SYT16: variants seen among roughly 807,000 people sequenced by gnomAD.
SYT16 encodes synaptotagmin 16.
Under a neutral mutation model 61.4 loss-of-function variants are expected in SYT16, and 42 were observed. The ratio of observed to expected loss-of-function variants is 0.68; its 90% confidence interval spans 0.53 to 0.89. The LOEUF is 0.89. SYT16 is among the 40% of genes least tolerant of loss of function. SYT16 has a pLI of 0.00. For synonymous variants in SYT16, 314 were observed against 302.3 expected (o/e 1.04, Z -0.40); for missense variants, 804 against 807.3 (o/e 1.00, Z 0.05).
intron 2 of SYT16, among the ~76,000 whole-genome samples, chr14:61,992,205 T>G (rs1331861395): frequency 6.6e-6 from 1 of 152,096 alleles, no homozygotes; most frequent in East Asian, 1.9e-4. Context: ...CAATAAACAT[T>G]TCCTCATAAA....
chr14:62,093,160 A>G (rs891172154), intron 7 of SYT16, among the ~76,000 whole-genome samples: 3 of 152,126 alleles, frequency 2.0e-5, no homozygotes, highest in Non-Finnish European at 2.9e-5. Context: ...AAAAATTAAG[A>G]GATTTAAAAA....
chr14:61,909,764 G>A (rs766211453), intron 1 of SYT16, among the ~76,000 whole-genome samples: 1 of 152,218 alleles, frequency 6.6e-6, no homozygotes, highest in Non-Finnish European at 1.5e-5. Flanking sequence ...AATATAGCTT[G>A]TAATGGCCCG....
intron 3 of SYT16, among the ~76,000 whole-genome samples, chr14:62,004,768 G>A (rs146780918): frequency 4.6e-5 from 7 of 152,286 alleles, no homozygotes; most frequent in Middle Eastern, 3.4e-3. Context: ...TCCCCTCTTG[G>A]CATCTTTGAC....
intron 1 of SYT16, among the ~76,000 whole-genome samples, chr14:61,964,941 A>C (rs1425613840): frequency 6.6e-6 from 1 of 151,826 alleles, no homozygotes; most frequent in African/African-American, 2.4e-5. Flanking sequence ...TAAGGTATGC[A>C]CATGGTTTTT....
chr14:61,854,508 G>C (rs2046717303), intron 1 of SYT16, among the ~76,000 whole-genome samples: 1 of 152,154 alleles, frequency 6.6e-6, no homozygotes, highest in African/African-American at 2.4e-5. Context: ...AATAGTAAGT[G>C]GATTGGCTTT....
intron 1 of SYT16, among the ~76,000 whole-genome samples, chr14:61,844,146 T>C (rs2046374923): frequency 6.6e-6 from 1 of 152,186 alleles, no homozygotes; most frequent in African/African-American, 2.4e-5. Flanking sequence ...TTTAATTTTA[T>C]GTGTGGCTAT....
intron 3 of SYT16, among the ~76,000 whole-genome samples, chr14:62,061,300 G>T (rs749746702): frequency 6.6e-6 from 1 of 152,058 alleles, no homozygotes; most frequent in Admixed American, 6.6e-5. Context: ...AAGCAAACAG[G>T]TTATTAACAC....
At chr14:61,873,767 C>T (rs937960276) in intron 1 of SYT16, among the ~76,000 whole-genome samples, 1 of 152,138 alleles carries the variant, frequency 6.6e-6, no homozygotes, top group African/African-American at 2.4e-5. Context: ...ATATAAAAAA[C>T]AGAACTACAT....
chr14:61,918,559 A>G (rs2197015), intron 1 of SYT16, among the ~76,000 whole-genome samples: 30,042 of 152,154 alleles, frequency 0.2, 3,799 homozygotes, highest in East Asian at 0.36. Flanking sequence ...TATATTTTAA[A>G]TGTTTATATT....
chr14:62,009,420 C>G (rs2053354708), intron 3 of SYT16, among the ~76,000 whole-genome samples: 1 of 152,140 alleles, frequency 6.6e-6, no homozygotes, highest in South Asian at 2.1e-4. Flanking sequence ...AGTAATAATA[C>G]AGTCAGGAGT....
chr14:61,941,787 G>C (rs1010578443), intron 1 of SYT16, among the ~76,000 whole-genome samples: 5 of 152,110 alleles, frequency 3.3e-5, no homozygotes, highest in African/African-American at 4.8e-5. Context: ...CCCACTACAA[G>C]TTCTCAATGA....
chr14:62,048,968 G>T (rs1595265237), intron 3 of SYT16, among the ~76,000 whole-genome samples: 1 of 152,172 alleles, frequency 6.6e-6, no homozygotes, highest in Admixed American at 6.5e-5. Flanking sequence ...CTGGGGTGGA[G>T]GGTTCTGTAG....
chr14:61,884,019 G>A (rs2047799237), intron 1 of SYT16, among the ~76,000 whole-genome samples: 1 of 152,136 alleles, frequency 6.6e-6, no homozygotes, highest in Non-Finnish European at 1.5e-5. Context: ...CTTGACATGT[G>A]GGGATTATGG....
intron 1 of SYT16, chr14:61,864,869 C>T (rs1011455196): frequency 8.5e-7 from 1 of 1,180,148 alleles, no homozygotes; most frequent in East Asian, 2.3e-5. Context: ...CCAGCCACCC[C>T]CGGCGGAGAC....
intron 2 of SYT16, among the ~76,000 whole-genome samples, chr14:61,990,870 C>T (rs967735354): frequency 2.0e-5 from 3 of 152,188 alleles, no homozygotes; most frequent in African/African-American, 7.2e-5. Context: ...TTTGATAAAA[C>T]ATATGGCTCA....
At chr14:61,982,812 T>C (rs1192248328) in intron 2 of SYT16, among the ~76,000 whole-genome samples, 1 of 152,188 alleles carries the variant, frequency 6.6e-6, no homozygotes, top group African/African-American at 2.4e-5. Context: ...GCTTGTGTGC[T>C]TGTCTGCACA....
intron 1 of SYT16, among the ~76,000 whole-genome samples, chr14:61,878,970 G>T (rs2047596137): frequency 1.3e-5 from 2 of 152,152 alleles, no homozygotes; most frequent in South Asian, 4.1e-4. Flanking sequence ...TTTATATTTA[G>T]GATAATGAGA....
chr14:61,937,645 G>A (rs1194816421), intron 1 of SYT16, among the ~76,000 whole-genome samples: 1 of 152,206 alleles, frequency 6.6e-6, no homozygotes, highest in Non-Finnish European at 1.5e-5. Context: ...GATCTGGAGA[G>A]TGTTGGGACA....
At chr14:61,865,017 T>C in intron 1 of SYT16, 1 of 1,414,126 alleles carries the variant, frequency 7.1e-7, no homozygotes, top group Non-Finnish European at 1.0e-6. Flanking sequence ...TTTGATGCCC[T>C]GAGAGGGCAT....
Sources: allele counts gnomAD v4.1 joint callset (sites outside exome capture counted in the v4.1 genomes callset), GRCh38; gene constraint gnomAD v4.1.1; transcripts MANE v1.5; gene names NCBI Gene and HGNC (gene_info 2026-07-23, HGNC 2026-07-21).